Variants in POGLUT1 observed in about 807,000 individuals in gnomAD.
POGLUT1 encodes the protein 9630046K23Rik.
Under a neutral mutation model 61.3 loss-of-function variants are expected in POGLUT1, and 32 were observed. That is an observed-to-expected ratio of 0.52 (90% CI 0.39 to 0.70). POGLUT1 has a LOEUF of 0.70. Ranked by LOEUF, POGLUT1 falls within the 30% of genes least tolerant of loss-of-function variation. The pLI is 0.00. For missense variants in POGLUT1, 411 were observed against 469.8 expected, an observed-to-expected ratio of 0.87 and a Z score of 1.16; for synonymous variants, 158 against 158.2, an observed-to-expected ratio of 1.00 and a Z score of 0.01.
intron 6 of POGLUT1, 35 bp from the exon 7 acceptor site, chr3:119,486,798 G>T (rs1360396340): frequency 7.1e-7 from 1 of 1,400,298 alleles, no homozygotes; most frequent in South Asian, 1.2e-5. Flanking sequence ...TCTAATACAG[G>T]CCACACAGTT....
chr3:119,477,561 G>T (rs1300456248), intron 4 of POGLUT1, 113 bp downstream of exon 4: 16 of 1,024,932 alleles, frequency 1.6e-5, no homozygotes, highest in Non-Finnish European at 2.2e-5. Flanking sequence ...TGAGGACTGA[G>T]GTCCAGAAAT....
chr3:119,481,005 G>T (rs765053597), intron 5 of POGLUT1, among the ~76,000 whole-genome samples: 4 of 152,078 alleles, frequency 2.6e-5, no homozygotes, highest in Non-Finnish European at 5.9e-5. Context: ...CTCCCAAAGT[G>T]CTGGGATTAC....
intron 5 of POGLUT1, among the ~76,000 whole-genome samples, chr3:119,484,717 T>C (rs181547513): frequency 2.6e-4 from 40 of 152,286 alleles, no homozygotes; most frequent in Admixed American, 1.3e-3. Context: ...ACAGAGGAAA[T>C]CCACATTTGC....
At chr3:119,486,706 G>A (rs543273787) in intron 6 of POGLUT1, 127 bp from the exon 7 acceptor site, 19 of 730,768 alleles carry the variant, frequency 2.6e-5, no homozygotes, top group Middle Eastern at 2.4e-4. Context: ...CCGCTGTCAC[G>A]TCACCAGTGA....
chr3:119,486,181 C>T (rs2081661615), intron 6 of POGLUT1, among the ~76,000 whole-genome samples: 1 of 152,100 alleles, frequency 6.6e-6, no homozygotes, highest in Non-Finnish European at 1.5e-5. Flanking sequence ...AACTTGGGGA[C>T]CATGTCTGGA....
chr3:119,492,232 T>A, intron 10 of POGLUT1, 50 bp from the exon 11 acceptor site: 1 of 1,396,024 alleles, frequency 7.2e-7, no homozygotes, highest in Non-Finnish European at 9.9e-7. Flanking sequence ...AGACTGCTAT[T>A]ATCATTAAAT....
chr3:119,493,655 C>T lies in POGLUT1; in HGVS notation c.*1217C>T, dbSNP rs2107721391. 6.6e-6 allele frequency: 1 copy of T among 152,250 alleles called. No individual in the cohort carries two copies. The highest frequency in any genetic ancestry group is 1.5e-5 in the Non-Finnish European group (1 of 68,028). The allele number at this position is 152,250 out of a possible 1,614,324, so 9.4% of individuals were successfully genotyped here. A position where few individuals can be genotyped will look rare whatever the true frequency, so the allele number is the denominator to read the frequency against. On this transcript the variant is annotated 3_prime_UTR_variant, in exon 11 of 11. Transcript: ENST00000295588. ...AGAATTAGTAAATGTGAGATTCAGT[C>T]ACATAATTATCAGACATTCCATTTG... is the stretch of plus-strand genomic sequence containing the variant.
intron 3 of POGLUT1, 33 bp downstream of exon 3, chr3:119,471,485 C>CT (rs760658758): frequency 2.3e-5 from 37 of 1,600,682 alleles, no homozygotes; most frequent in South Asian, 1.1e-5. Flanking sequence ...TATCTTCTGA[C>CT]TTTATTACAT....
intron 5 of POGLUT1, among the ~76,000 whole-genome samples, chr3:119,484,435 C>A (rs1183639411): frequency 6.6e-6 from 1 of 152,294 alleles, no homozygotes; most frequent in East Asian, 1.9e-4. Flanking sequence ...AATGATGCAT[C>A]TGTGAGCTAG....
Position 119,480,038 on chromosome 3 carries a change from G to GT in POGLUT1, c.457-8dup, listed in dbSNP as rs755105193. 3 of 1,612,980 alleles carry GT rather than the reference G, an allele frequency of 1.9e-6. No individual in the cohort carries two copies. The highest frequency in any genetic ancestry group is 3.3e-5 in the Admixed American group (2 of 59,972). Reference sequence around the variant, plus strand: ...AAGACTGATTTAGGACGACCTGTCTGTTTTTGTTGAAGACATCAGAGTACC... The same window carrying GT: ...AAGACTGATTTAGGACGACCTGTCTGTTTTTTGTTGAAGACATCAGAGTACC... On this transcript the variant is annotated splice_polypyrimidine_tract_variant and intron_variant, in intron 4 of 10. Transcript: ENST00000295588.
At chr3:119,491,780 C>T (rs889149528) in intron 10 of POGLUT1, among the ~76,000 whole-genome samples, 15 of 152,126 alleles carry the variant, frequency 9.9e-5, no homozygotes, top group African/African-American at 3.6e-4. Context: ...ATGGGCCGGG[C>T]GTGGTGGCTA....
chr3:119,469,757 G>A, intron 1 of POGLUT1, 63 bp from the exon 2 acceptor site: 1 of 802,384 alleles, frequency 1.2e-6, no homozygotes, highest in Admixed American at 1.9e-5. Context: ...TTCTGTTGGT[G>A]TGGTGTCAGC....
At chr3:119,473,660 CTTTTT>C (rs771110307) in intron 3 of POGLUT1, among the ~76,000 whole-genome samples, 3 of 142,190 alleles carry the variant, frequency 2.1e-5, no homozygotes, top group Non-Finnish European at 1.5e-5. Flanking sequence ...CGTCTAGATA[CTTTTT>C]TTTTTTTTTT....
chr3:119,485,513 A>T, intron 6 of POGLUT1, 126 bp downstream of exon 6: 1 of 595,100 alleles, frequency 1.7e-6, no homozygotes, highest in Non-Finnish European at 3.0e-6. Flanking sequence ...AGAAATGTGG[A>T]ATCACAATTT....
chr3:119,471,523 G>A (rs2081474398), intron 3 of POGLUT1, 71 bp downstream of exon 3: 17 of 1,352,306 alleles, frequency 1.3e-5, no homozygotes, highest in Non-Finnish European at 1.8e-5. Flanking sequence ...TTATAGAGGA[G>A]CCAATTCATG....
chr3:119,481,499 A>G (rs2081605222), intron 5 of POGLUT1, among the ~76,000 whole-genome samples: 1 of 152,194 alleles, frequency 6.6e-6, no homozygotes, highest in African/African-American at 2.4e-5. Context: ...ACCTCTCCCA[A>G]GTGTGGCTGA....
intron 5 of POGLUT1, among the ~76,000 whole-genome samples, chr3:119,482,748 A>C (rs1364026508): frequency 6.6e-6 from 1 of 152,202 alleles, no homozygotes; most frequent in Non-Finnish European, 1.5e-5. Flanking sequence ...TCTGCCTGCC[A>C]CTGTTCATTC....
At chr3:119,483,027 A>G (rs2081623601) in intron 5 of POGLUT1, among the ~76,000 whole-genome samples, 1 of 152,212 alleles carries the variant, frequency 6.6e-6, no homozygotes, top group Non-Finnish European at 1.5e-5. Flanking sequence ...TGTGTATATG[A>G]AACACAGCTT....
At chr3:119,485,726 G>A (rs185372790) in intron 6 of POGLUT1, among the ~76,000 whole-genome samples, 2 of 152,268 alleles carry the variant, frequency 1.3e-5, no homozygotes, top group East Asian at 1.9e-4. Context: ...ATCATGCCAC[G>A]GTACTCTGCT....
Sources: gnomAD v4.1 joint callset for allele counts (sites outside exome capture counted in the v4.1 genomes callset) on GRCh38, gnomAD v4.1.1 for gene constraint, MANE v1.5 for transcripts, NCBI Gene and HGNC (gene_info 2026-07-23, HGNC 2026-07-21) for gene names.